PTCSC3: variants seen among roughly 807,000 people sequenced by gnomAD.
PTCSC3 encodes the protein papillary thyroid carcinoma susceptibility candidate 3 (non-protein coding).
intron 3 of PTCSC3, among the ~76,000 whole-genome samples, chr14:36,137,704 A>G (rs957955090): frequency 6.6e-6 from 1 of 152,256 alleles, no homozygotes; most frequent in Non-Finnish European, 1.5e-5. Flanking sequence ...AGATGGAGCA[A>G]CTATAAGATA....
rs58223160 is a variant in PTCSC3 at position 36,162,258 on chromosome 14, G to GAAAAAAAAAAAAAAAA, written n.231+350_231+365dup. Among the ~76,000 whole-genome samples the GAAAAAAAAAAAAAAAA allele has an allele frequency of 5.6e-5, 6 of 106,540 alleles. 1 individual carries two copies. The highest frequency in any genetic ancestry group is 1.9e-4 in the African/African-American group (4 of 20,768). The allele number at this position is 106,540 out of a possible 152,430, so 69.9% of individuals were successfully genotyped here. On this transcript the variant is annotated intron_variant and non_coding_transcript_variant, in intron 2 of 3. Transcript: ENST00000556013. ...GCGTTCCAGGAGCTGCTGGGGTATG[G>GAAAAAAAAAAAAAAAA]AAAAAAAAAAAAAAAAAAAAAAAAA...
At chr14:36,159,983 CTTCT>C (rs1357113178) in intron 2 of PTCSC3, among the ~76,000 whole-genome samples, 7 of 152,070 alleles carry the variant, frequency 4.6e-5, no homozygotes, top group African/African-American at 1.7e-4. Flanking sequence ...ATGTAATGGC[CTTCT>C]TTGTCTCTTT....
chr14:36,175,722 G>A (rs1281416514), intron 1 of PTCSC3, among the ~76,000 whole-genome samples: 3 of 152,190 alleles, frequency 2.0e-5, no homozygotes, highest in Non-Finnish European at 4.4e-5. Context: ...TGGGCCTACA[G>A]CTATATTTAA....
At chr14:36,156,609 T>C (rs1447684763) in intron 2 of PTCSC3, among the ~76,000 whole-genome samples, 1 of 152,130 alleles carries the variant, frequency 6.6e-6, no homozygotes, top group Non-Finnish European at 1.5e-5. Flanking sequence ...TTCCCCTCCC[T>C]GTGTCCATGT....
chr14:36,168,617 A>G (rs1882139865), intron 1 of PTCSC3, among the ~76,000 whole-genome samples: 1 of 151,854 alleles, frequency 6.6e-6, no homozygotes, highest in Non-Finnish European at 1.5e-5. Flanking sequence ...GGTTTTTAAT[A>G]AAAATTTACT....
chr14:36,162,258 GAAAAAAAAA>G (rs58223160), intron 2 of PTCSC3, among the ~76,000 whole-genome samples: 52,349 of 106,422 alleles, frequency 0.49, 12,348 homozygotes, highest in South Asian at 0.57. Flanking sequence ...CTGGGGTATG[GAAAAAAAAA>G]AAAAAAAAAA....
chr14:36,148,616 C>A (rs1317663140), intron 3 of PTCSC3, among the ~76,000 whole-genome samples: 1 of 152,242 alleles, frequency 6.6e-6, no homozygotes, highest in African/African-American at 2.4e-5. Context: ...GCAGAAATCA[C>A]CTGTCTTCTG....
At chr14:36,155,503 C>T (rs931856563) in intron 2 of PTCSC3, among the ~76,000 whole-genome samples, 1 of 151,866 alleles carries the variant, frequency 6.6e-6, no homozygotes, top group South Asian at 2.1e-4. Context: ...TTATTTTATA[C>T]ACTCACGGTC....
At chr14:36,154,937 C>G (rs1487124471) in intron 2 of PTCSC3, among the ~76,000 whole-genome samples, 2 of 152,148 alleles carry the variant, frequency 1.3e-5, no homozygotes, top group Non-Finnish European at 2.9e-5. Flanking sequence ...GACATCTTCC[C>G]TTCTTGGCCC....
chr14:36,150,798 T>C (rs1207477113), intron 3 of PTCSC3, among the ~76,000 whole-genome samples: 2 of 152,216 alleles, frequency 1.3e-5, no homozygotes, highest in African/African-American at 4.8e-5. Flanking sequence ...AAATACATTA[T>C]AACAAAATCT....
At chr14:36,140,353 T>A (rs951395861) in intron 3 of PTCSC3, among the ~76,000 whole-genome samples, 1 of 152,196 alleles carries the variant, frequency 6.6e-6, no homozygotes, top group Non-Finnish European at 1.5e-5. Flanking sequence ...TTCATCTGGG[T>A]TAAATACTTA....
At chr14:36,147,918 G>C (rs1881620363) in intron 3 of PTCSC3, among the ~76,000 whole-genome samples, 1 of 151,946 alleles carries the variant, frequency 6.6e-6, no homozygotes, top group African/African-American at 2.4e-5. Context: ...GGAATACCCT[G>C]CCGTGTGAGG....
intron 2 of PTCSC3, among the ~76,000 whole-genome samples, chr14:36,159,726 T>TG (rs1435964069): frequency 6.6e-6 from 1 of 152,196 alleles, no homozygotes; most frequent in Non-Finnish European, 1.5e-5. Context: ...TCTGTTGATT[T>TG]GGGGTGGAGA....
intron 3 of PTCSC3, among the ~76,000 whole-genome samples, chr14:36,142,682 G>T (rs1184372187): frequency 6.6e-6 from 1 of 150,842 alleles, no homozygotes. Flanking sequence ...TATACTTTAA[G>T]TTTTAGGGTA....
intron 3 of PTCSC3, among the ~76,000 whole-genome samples, chr14:36,149,967 C>A (rs571373696): frequency 5.3e-5 from 8 of 152,274 alleles, no homozygotes; most frequent in African/African-American, 1.7e-4. Context: ...ATCTGAAAAT[C>A]TCTCCAGTGA....
intron 3 of PTCSC3, among the ~76,000 whole-genome samples, chr14:36,136,903 T>G (rs187602019): frequency 6.1e-4 from 93 of 152,348 alleles, no homozygotes; most frequent in African/African-American, 2.2e-3. Flanking sequence ...AAATACTTAA[T>G]GAGCACCTAT....
chr14:36,148,901 T>G (rs1256463635), intron 3 of PTCSC3, among the ~76,000 whole-genome samples: 1 of 152,170 alleles, frequency 6.6e-6, no homozygotes, highest in East Asian at 1.9e-4. Flanking sequence ...TAATAATTTA[T>G]TTTTACATTG....
At chr14:36,147,556 C>T (rs1022803316) in intron 3 of PTCSC3, among the ~76,000 whole-genome samples, 3 of 152,058 alleles carry the variant, frequency 2.0e-5, no homozygotes, top group African/African-American at 4.8e-5. Context: ...TCTAGTTATA[C>T]ATTCTTCTAA....
At chr14:36,139,245 A>G (rs1214555645) in intron 3 of PTCSC3, among the ~76,000 whole-genome samples, 1 of 152,184 alleles carries the variant, frequency 6.6e-6, no homozygotes, top group East Asian at 1.9e-4. Flanking sequence ...TGGAATATCC[A>G]TGCAATGTAA....
Sources: allele counts gnomAD v4.1 joint callset (sites outside exome capture counted in the v4.1 genomes callset), GRCh38; gene constraint gnomAD v4.1.1; transcripts MANE v1.5; gene names NCBI Gene and HGNC (gene_info 2026-07-23, HGNC 2026-07-21).